The following MED9 variants were observed in gnomAD, a reference collection of about 807,000 sequenced individuals.
The protein encoded by MED9 is mediator of RNA polymerase II transcription subunit 9.
A neutral mutation model predicts 13.2 loss-of-function variants in MED9; 8 were observed. That is an observed-to-expected ratio of 0.61 (90% CI 0.36 to 1.10). The LOEUF is 1.10. Ranked by LOEUF, MED9 falls within the 50% of genes least tolerant of loss-of-function variation. MED9 has a pLI of 0.02. For missense variants in MED9, 180 were observed against 193.4 expected, an observed-to-expected ratio of 0.93 and a Z score of 0.41; for synonymous variants, 87 against 82.8, an observed-to-expected ratio of 1.05 and a Z score of -0.28.
intron 1 of MED9, among the ~76,000 whole-genome samples, chr17:17,484,493 G>A (rs1296890623): frequency 6.6e-6 from 1 of 152,220 alleles, no homozygotes; most frequent in African/African-American, 2.4e-5. Flanking sequence ...ATTTTAATCT[G>A]CCCTGGCCTT....
At chr17:17,479,634 G>A (rs1904993935) in intron 1 of MED9, among the ~76,000 whole-genome samples, 1 of 152,016 alleles carries the variant, frequency 6.6e-6, no homozygotes, top group African/African-American at 2.4e-5. Context: ...AGACCAGCCT[G>A]GGCAACATGG....
At chr17:17,487,078 C>A (rs928460110) in intron 1 of MED9, 2 of 152,240 alleles carry the variant, frequency 1.3e-5, no homozygotes, top group Non-Finnish European at 2.9e-5. Context: ...ATGCACCAAT[C>A]GACACTCTGT....
Position 17,477,224 on chromosome 17 carries a change from G to A in MED9, c.183G>A (p.Glu61=), listed in dbSNP as rs1179631578. ...PQSPARAREE[E]NYSFLPLVHN... ...CACCTGCCCGCGCGAGGGAGGAAGA[G>A]AACTACTCCTTTTTACCTTTGGTTC... Residue 61 remains glutamate (E), a synonymous_variant, in exon 1 of 2, where the codon GAG becomes GAA. Coordinates refer to ENST00000268711, the MANE Select transcript of MED9 (RefSeq NM_018019.3). 2 of 1,609,454 alleles carry A rather than the reference G, an allele frequency of 1.2e-6. No homozygotes were observed. The highest frequency in any genetic ancestry group is 3.4e-5 in the Admixed American group (2 of 59,650).
rs1235188899 is a variant in MED9, at chr17:17,491,794, C to G, written c.*299C>G. The G allele has an allele frequency of 2.5e-6, 1 of 401,464 alleles. No individual in the cohort carries two copies. The highest frequency in any genetic ancestry group is 4.7e-6 in the Non-Finnish European group (1 of 212,912). The allele number at this position is 401,464 out of a possible 1,614,324, so 24.9% of individuals were successfully genotyped here. A position where few individuals can be genotyped will look rare whatever the true frequency, so the allele number is the denominator to read the frequency against. Reference sequence around the variant, plus strand: ...AGAGGGGGTGGAGGACTCTCCCCTGCCTCTGGGGAGGGGGCCATCTGCTGC... The same window carrying G: ...AGAGGGGGTGGAGGACTCTCCCCTGGCTCTGGGGAGGGGGCCATCTGCTGC... On this transcript the variant is annotated 3_prime_UTR_variant, in exon 2 of 2. Coordinates refer to ENST00000268711, the MANE Select transcript of MED9 (RefSeq NM_018019.3).
chr17:17,484,954 A>C (rs1219688599), intron 1 of MED9: 1 of 153,868 alleles, frequency 6.5e-6, no homozygotes, highest in Non-Finnish European at 1.4e-5. Flanking sequence ...TCACAGTTTG[A>C]ATTTGCCTGA....
intron 1 of MED9, among the ~76,000 whole-genome samples, chr17:17,482,559 TC>T (rs199913278): frequency 0.014 from 2,147 of 152,340 alleles, 56 homozygotes; most frequent in African/African-American, 0.049. Flanking sequence ...TTGTTGCTTT[TC>T]TTTTGACTTT....
rs528932920 is a variant in MED9 at position 17,491,520 on chromosome 17, A to G, written c.*25A>G. The G allele has an allele frequency of 1.8e-5, 28 of 1,583,656 alleles. No homozygotes were observed. Among genetic ancestry groups the G allele is most frequent in the Admixed American group, 3.3e-5 (2 of 59,964 alleles). On this transcript the variant is annotated 3_prime_UTR_variant, in exon 2 of 2. Transcript: ENST00000268711. ...GAGTGAGGCTGACTTCCTTAGAAAGAGGGGGAAGCCAATGGCCTGTCTCCC... is the reference window on the plus strand; with the variant it reads ...GAGTGAGGCTGACTTCCTTAGAAAGGGGGGGAAGCCAATGGCCTGTCTCCC...
intron 1 of MED9, among the ~76,000 whole-genome samples, chr17:17,491,023 A>G (rs1174578258): frequency 6.6e-6 from 1 of 152,170 alleles, no homozygotes; most frequent in East Asian, 1.9e-4. Flanking sequence ...TCAGAGTGAC[A>G]GTTGACTTGA....
Position 17,477,150 on chromosome 17 carries a change from C to CTT in MED9, c.109_110insTT (p.Pro37LeufsTer52). Reference sequence around the variant, plus strand: ...GCCGCTGCCGCCTCCTCAGCCGCCGCCGGTCCCTGCGCCTCAACCGCAGCA... The same window carrying CTT: ...GCCGCTGCCGCCTCCTCAGCCGCCGCTTCGGTCCCTGCGCCTCAACCGCAGCA... On this transcript the variant is annotated frameshift_variant, in exon 1 of 2. Transcript: ENST00000268711. LOFTEE classifies it high-confidence loss of function. 6.2e-7 allele frequency: 1 copy of CTT among 1,608,908 alleles called. No homozygotes were observed. The highest frequency in any genetic ancestry group is 1.7e-5 in the Admixed American group (1 of 59,682).
In MED9 at chr17:17,491,269, TC is replaced by T. The variant is rs758564618; in HGVS notation, c.225-5del. 47 of 1,609,264 alleles carry T rather than the reference TC, an allele frequency of 2.9e-5. No homozygotes were observed. Among genetic ancestry groups the T allele is most frequent in the Non-Finnish European group, 3.7e-5 (44 of 1,177,146 alleles). ...AGCTGTGAATGCTAACAGCTGTTCT[TC>T]CCCCACAGCATGGACAAGGACAGCC... On this transcript the variant is annotated splice_polypyrimidine_tract_variant and intron_variant, in intron 1 of 1. Transcript: ENST00000268711.
intron 1 of MED9, among the ~76,000 whole-genome samples, chr17:17,489,003 T>C (rs1365370784): frequency 1.3e-5 from 2 of 152,226 alleles, no homozygotes; most frequent in African/African-American, 4.8e-5. Flanking sequence ...CACTTAGAGC[T>C]TTCTGCTTTT....
chr17:17,477,892 A>C (rs1904954125), intron 1 of MED9, among the ~76,000 whole-genome samples: 2 of 152,252 alleles, frequency 1.3e-5, no homozygotes, highest in African/African-American at 4.8e-5. Flanking sequence ...AATTGTTGTC[A>C]TCCTTTTGGC....
chr17:17,488,576 G>A (rs1430161793), intron 1 of MED9, among the ~76,000 whole-genome samples: 6 of 152,226 alleles, frequency 3.9e-5, no homozygotes, highest in Admixed American at 3.9e-4. Context: ...GCTTACGCCT[G>A]TAATCCCAGC....
chr17:17,487,006 T>G (rs1905144171), intron 1 of MED9: 1 of 152,080 alleles, frequency 6.6e-6, no homozygotes, highest in African/African-American at 2.4e-5. Flanking sequence ...CGGCACTCTG[T>G]ATCTAGCTCA....
intron 1 of MED9, among the ~76,000 whole-genome samples, chr17:17,484,394 C>A (rs1278689398): frequency 2.0e-5 from 3 of 152,244 alleles, no homozygotes; most frequent in African/African-American, 7.2e-5. Context: ...CTGGCCGCTT[C>A]AGCAGGTCAG....
At chr17:17,484,804 G>A (rs1381254727) in intron 1 of MED9, among the ~76,000 whole-genome samples, 1 of 152,198 alleles carries the variant, frequency 6.6e-6, no homozygotes, top group Non-Finnish European at 1.5e-5. Context: ...CAAGCCCCAC[G>A]AAGGCAGGCC....
rs1485980474 is a variant in MED9 at position 17,493,072 on chromosome 17, A to AC, written c.*1582dup. ...AACATGAAGCACGTGGAACTACAAG[A>AC]CCCCCGGGGTCTTTCTGAGTGCAAG... On this transcript the variant is annotated 3_prime_UTR_variant, in exon 2 of 2. Transcript: ENST00000268711. The AC allele has an allele frequency of 1.3e-5, 2 of 151,806 alleles. No homozygotes were observed. Among genetic ancestry groups the AC allele is most frequent in the Non-Finnish European group, 1.5e-5 (1 of 67,968 alleles). The allele number at this position is 151,806 out of a possible 1,614,324, so 9.4% of individuals were successfully genotyped here. A position where few individuals can be genotyped will look rare whatever the true frequency, so the allele number is the denominator to read the frequency against.
In MED9 at chr17:17,477,018, T is replaced by A. The variant is rs761294636; in HGVS notation, c.-24T>A. 1.9e-6 allele frequency: 3 copies of A among 1,602,734 alleles called. No individual in the cohort carries two copies. The highest frequency in any genetic ancestry group is 1.1e-5 in the South Asian group (1 of 90,942). ...GCGCGACGCTTTTGGCGACCCGACCTCTGGCTAACCTACCCCCGGAGCCAT... is the reference window on the plus strand; with the variant it reads ...GCGCGACGCTTTTGGCGACCCGACCACTGGCTAACCTACCCCCGGAGCCAT... On this transcript the variant is annotated 5_prime_UTR_variant, in exon 1 of 2. Transcript: ENST00000268711.
Position 17,491,609 on chromosome 17 carries a change from C to A in MED9, c.*114C>A, listed in dbSNP as rs2142478855. 2 of 1,042,812 alleles carry A rather than the reference C, an allele frequency of 1.9e-6. No homozygotes were observed. Among genetic ancestry groups the A allele is most frequent in the South Asian group, 1.4e-5 (1 of 69,860 alleles). The allele number at this position is 1,042,812 out of a possible 1,614,324, so 64.6% of individuals were successfully genotyped here. ...GTGGACCCCAGCTCAGCTCGTCAAG[C>A]TGCAGGGGCGGGGCTCCTGTGCTGC... On this transcript the variant is annotated 3_prime_UTR_variant, in exon 2 of 2. Coordinates refer to ENST00000268711, the MANE Select transcript of MED9 (RefSeq NM_018019.3).
Sources: allele counts gnomAD v4.1 joint callset (sites outside exome capture counted in the v4.1 genomes callset), GRCh38; gene constraint gnomAD v4.1.1; transcripts MANE v1.5; gene names NCBI Gene and HGNC (gene_info 2026-07-23, HGNC 2026-07-21).